The following PDZRN4 variants were observed in gnomAD, a reference collection of about 807,000 sequenced individuals.
PDZRN4 encodes the protein PDZ domain containing ring finger 4.
In PDZRN4, 70 loss-of-function variants were observed where a neutral mutation model predicts 99.0. The observed-to-expected ratio is 0.71, with a 90% CI of 0.58 to 0.86. The LOEUF (loss-of-function observed/expected upper bound fraction) is 0.86. PDZRN4 is among the 40% of genes least tolerant of loss of function. The probability of loss-of-function intolerance (pLI) is 0.00; values close to 1 mark genes in which losing one functional copy is unlikely to be tolerated. For synonymous variants in PDZRN4, 551 were observed against 501.6 expected (o/e 1.10, Z -1.32); for missense variants, 1,474 against 1,331.2 (o/e 1.11, Z -1.67).
chr12:41,500,593 G>T (rs1452119597), intron 3 of PDZRN4, among the ~76,000 whole-genome samples: 1 of 151,894 alleles, frequency 6.6e-6, no homozygotes, highest in Non-Finnish European at 1.5e-5. Flanking sequence ...TTTTTTTAAA[G>T]GTCGAAGTTA....
At position 41,365,318 on chromosome 12, in the gene PDZRN4, A is replaced by G. The variant is rs183528851; in HGVS notation, c.844-141138A>G. ...TAGCCTCGATCATATTAAATCAAGT[A>G]ATTGATTGTGCACATGAGCACATAC... On this transcript the variant is annotated intron_variant, in intron 3 of 9. Coordinates refer to ENST00000402685, the MANE Select transcript of PDZRN4 (RefSeq NM_001164595.2). Among the ~76,000 whole-genome samples the G allele has an allele frequency of 1.5e-3, 223 of 152,182 alleles. 1 individual carries two copies. Among genetic ancestry groups the G allele is most frequent in the African/African-American group, 4.9e-3 (205 of 41,558 alleles).
At chr12:41,303,511 G>A (rs1951550744) in intron 3 of PDZRN4, among the ~76,000 whole-genome samples, 1 of 152,136 alleles carries the variant, frequency 6.6e-6, no homozygotes, top group South Asian at 2.1e-4. Flanking sequence ...AAATACTGAA[G>A]AACTCGCCTC....
intron 3 of PDZRN4, among the ~76,000 whole-genome samples, chr12:41,316,922 G>T (rs916700138): frequency 1.3e-5 from 2 of 151,366 alleles, no homozygotes; most frequent in African/African-American, 4.8e-5. Context: ...GGCTAAGGCA[G>T]GTACAGCAGC....
chr12:41,423,774 C>G (rs936015015), intron 3 of PDZRN4, among the ~76,000 whole-genome samples: 1 of 152,072 alleles, frequency 6.6e-6, no homozygotes, highest in African/African-American at 2.4e-5. Flanking sequence ...TGTAATCTTT[C>G]CAAATCATTC....
At chr12:41,510,271 A>G (rs374704313) in intron 5 of PDZRN4, among the ~76,000 whole-genome samples, 1 of 152,220 alleles carries the variant, frequency 6.6e-6, no homozygotes, top group Non-Finnish European at 1.5e-5. Flanking sequence ...TTTGTTGTAT[A>G]ATATTCTAAT....
rs146753796 is a variant in PDZRN4, at chr12:41,469,251, CT to C, written c.844-37204del. On this transcript the variant is annotated intron_variant, in intron 3 of 9. Transcript: ENST00000402685. ...AGATTTATGTGTGAAAAAAGGTACA[CT>C]AAAAATGATTGAGAAGTTGTAAAAG... is the stretch of plus-strand genomic sequence containing the variant. Among the ~76,000 whole-genome samples, 621 of 152,152 alleles carry C rather than the reference CT, an allele frequency of 4.1e-3. 5 individuals carry two copies. Among genetic ancestry groups the C allele is most frequent in the African/African-American group, 0.014 (601 of 41,496 alleles).
At chr12:41,495,047 T>C (rs1361266708) in intron 3 of PDZRN4, among the ~76,000 whole-genome samples, 1 of 152,138 alleles carries the variant, frequency 6.6e-6, no homozygotes, top group Non-Finnish European at 1.5e-5. Flanking sequence ...TTCTCTTTGG[T>C]AACATACCTT....
Position 41,188,470 on chromosome 12 carries a change from G to A in PDZRN4, c.15G>A (p.Leu5=), listed in dbSNP as rs73117071. The A allele has an allele frequency of 5.6e-3, 8,834 of 1,590,680 alleles. 430 individuals are homozygous for A. The African/African-American group carries it at 0.11, about 19-fold the overall frequency. ...CCATCCCTAACATGGGCTTTGCCCT[G>A]GAGCGCTTCGCAGAAGCCGTGGACC... MGFA[L]ERFAEAVDPA... is the part of the protein sequence containing the mutation. The change falls in exon 1 of 10, where the codon CTG becomes CTA. Residue 5 remains leucine (L), a synonymous_variant. Coordinates refer to ENST00000402685, the MANE Select transcript of PDZRN4 (RefSeq NM_001164595.2).
At chr12:41,354,601 G>T (rs1242936311) in intron 3 of PDZRN4, among the ~76,000 whole-genome samples, 1 of 152,028 alleles carries the variant, frequency 6.6e-6, no homozygotes, top group Non-Finnish European at 1.5e-5. Context: ...TATCAGAATT[G>T]CCAGAACTCT....
chr12:41,346,505 T>A (rs1951856333), intron 3 of PDZRN4, among the ~76,000 whole-genome samples: 2 of 151,812 alleles, frequency 1.3e-5, no homozygotes, highest in Non-Finnish European at 2.9e-5. Context: ...ATAAATTAAA[T>A]TAAAATTGAT....
chr12:41,360,686 A>G (rs1347655630), intron 3 of PDZRN4, among the ~76,000 whole-genome samples: 1 of 152,100 alleles, frequency 6.6e-6, no homozygotes, highest in Admixed American at 6.6e-5. Context: ...AACTGAATAG[A>G]CTAAAGGTGT....
At chr12:41,210,337 A>G (rs1950880039) in intron 3 of PDZRN4, among the ~76,000 whole-genome samples, 1 of 152,004 alleles carries the variant, frequency 6.6e-6, no homozygotes, top group African/African-American at 2.4e-5. Flanking sequence ...GCTGTGCAGA[A>G]GCTCTTTAGT....
chr12:41,308,656 A>G lies in PDZRN4; in HGVS notation c.843+114468A>G, dbSNP rs371978490. Among the ~76,000 whole-genome samples the G allele has an allele frequency of 2.9e-4, 44 of 152,330 alleles. No homozygotes were observed. In the East Asian group the frequency reaches 4.4e-3, roughly 15 times the overall value. ...GAGGTTTAGACAATGGCAAATGTCA[A>G]ATAACCCAAGAATATATTTATATCT... On this transcript the variant is annotated intron_variant, in intron 3 of 9. Transcript: ENST00000402685.
chr12:41,298,731 A>C (rs1428442400), intron 3 of PDZRN4, among the ~76,000 whole-genome samples: 1 of 152,208 alleles, frequency 6.6e-6, no homozygotes, highest in Non-Finnish European at 1.5e-5. Context: ...CAAACAGGTG[A>C]AATAGAACAG....
intron 3 of PDZRN4, among the ~76,000 whole-genome samples, chr12:41,365,593 A>C (rs970928519): frequency 1.3e-5 from 2 of 152,114 alleles, no homozygotes; most frequent in Admixed American, 1.3e-4. Context: ...GTTGACGGAT[A>C]GCAAGTAGCT....
intron 3 of PDZRN4, among the ~76,000 whole-genome samples, chr12:41,249,283 G>A (rs372378203): frequency 3.9e-5 from 6 of 152,148 alleles, no homozygotes; most frequent in East Asian, 3.8e-4. Context: ...ACCACAAAAA[G>A]TACATTGTTA....
chr12:41,393,507 TAAA>T (rs61331927), intron 3 of PDZRN4, among the ~76,000 whole-genome samples: 4,954 of 149,118 alleles, frequency 0.033, 117 homozygotes, highest in African/African-American at 0.071. Context: ...CCTTCTAAAA[TAAA>T]AAAAAAAAAT....
intron 3 of PDZRN4, among the ~76,000 whole-genome samples, chr12:41,214,002 C>T (rs1950904222): frequency 6.6e-6 from 1 of 151,938 alleles, no homozygotes; most frequent in Non-Finnish European, 1.5e-5. Flanking sequence ...ATGCGTGGTA[C>T]ATAGCCACCT....
At chr12:41,312,245 C>A (rs989849672) in intron 3 of PDZRN4, among the ~76,000 whole-genome samples, 1 of 151,390 alleles carries the variant, frequency 6.6e-6, no homozygotes, top group African/African-American at 2.4e-5. Flanking sequence ...TCCCTCTTTG[C>A]CAAACTGCTT....
Sources: gnomAD v4.1 joint callset for allele counts (sites outside exome capture counted in the v4.1 genomes callset) on GRCh38, gnomAD v4.1.1 for gene constraint, MANE v1.5 for transcripts, NCBI Gene and HGNC (gene_info 2026-07-23, HGNC 2026-07-21) for gene names.